Variants in TDRD3 observed in about 807,000 individuals in gnomAD.
TDRD3 encodes the protein tudor domain containing 3, also known as tudor domain-containing protein 3.
TDRD3 carries 45 observed loss-of-function variants against 86.7 expected under a neutral mutation model. That is an observed-to-expected ratio of 0.52 (90% CI 0.41 to 0.67). The LOEUF (loss-of-function observed/expected upper bound fraction) is 0.67. Ranked by LOEUF, TDRD3 falls within the 30% of genes least tolerant of loss-of-function variation. TDRD3 has a pLI of 0.00. For missense variants in TDRD3, 814 were observed against 889.0 expected, an observed-to-expected ratio of 0.92 and a Z score of 1.07; for synonymous variants, 298 against 301.7, an observed-to-expected ratio of 0.99 and a Z score of 0.13.
At chr13:60,403,424 T>G (rs1193918971) in intron 1 of TDRD3, among the ~76,000 whole-genome samples, 1 of 152,248 alleles carries the variant, frequency 6.6e-6, no homozygotes, top group Non-Finnish European at 1.5e-5. Context: ...GCCATCAGTC[T>G]AGAAATTCAT....
rs1210878309 is a variant in TDRD3, at chr13:60,567,572, T to G, written c.2166T>G (p.Gly722=). The part of the protein sequence containing the change: ...YDQTLEFRRG[G]DGQPRRSTRP... The stretch of plus-strand genomic sequence containing the variant: ...AAACTCTGGAGTTCCGTAGGGGAGG[T>G]GATGGCCAGCCAAGACGATCCACTC... Residue 722 remains glycine, a synonymous_variant, in exon 13 of 14, where the codon GGT becomes GGG. Coordinates refer to ENST00000377881, the MANE Select transcript of TDRD3 (RefSeq NM_001146070.2). 2 of 1,613,670 alleles carry G rather than the reference T, an allele frequency of 1.2e-6. No homozygotes were observed. The highest frequency in any genetic ancestry group is 3.3e-5 in the Admixed American group (2 of 59,928).
At chr13:60,501,266 C>T (rs574147868) in intron 8 of TDRD3, among the ~76,000 whole-genome samples, 1 of 152,282 alleles carries the variant, frequency 6.6e-6, no homozygotes, top group South Asian at 2.1e-4. Flanking sequence ...TTAAGAGAGG[C>T]ATTGTGTGGG....
chr13:60,533,514 G>T (rs776290272), intron 11 of TDRD3, among the ~76,000 whole-genome samples: 46 of 152,012 alleles, frequency 3.0e-4, no homozygotes, highest in Non-Finnish European at 7.4e-5. Context: ...AGTAGCACGT[G>T]CCTGTAATCC....
intron 1 of TDRD3, among the ~76,000 whole-genome samples, chr13:60,436,282 A>G (rs1457703227): frequency 3.3e-5 from 5 of 151,356 alleles, no homozygotes; most frequent in African/African-American, 4.9e-5. Flanking sequence ...CTTACTTTTT[A>G]TTTTTGTTGC....
intron 8 of TDRD3, among the ~76,000 whole-genome samples, chr13:60,495,871 A>G (rs1195258350): frequency 2.0e-5 from 3 of 152,150 alleles, no homozygotes; most frequent in Admixed American, 6.5e-5. Flanking sequence ...TGTAGCCTCC[A>G]GCTGCATAAC....
At chr13:60,466,635 A>G (rs1192605838) in intron 4 of TDRD3, among the ~76,000 whole-genome samples, 1 of 152,068 alleles carries the variant, frequency 6.6e-6, no homozygotes, top group Non-Finnish European at 1.5e-5. Flanking sequence ...TGAAAATACA[A>G]AAATTAGCTG....
rs112520917 is a variant in TDRD3, at chr13:60,512,090, G to T, written c.1141+1335G>T. Among the ~76,000 whole-genome samples, 516 of 152,234 alleles carry T rather than the reference G, an allele frequency of 3.4e-3. 4 individuals are homozygous for T. The highest frequency in any genetic ancestry group is 0.012 in the African/African-American group (492 of 41,546). ...CTAGGTAACTTATACAGGAAAAAGA[G>T]TGTATTGGATTTACAGTTCCACGTG... On this transcript the variant is annotated intron_variant, in intron 10 of 13. Coordinates refer to ENST00000377881, the MANE Select transcript of TDRD3 (RefSeq NM_001146070.2).
At chr13:60,570,131 C>T (rs1336506032) in intron 13 of TDRD3, among the ~76,000 whole-genome samples, 1 of 152,090 alleles carries the variant, frequency 6.6e-6, no homozygotes, top group African/African-American at 2.4e-5. Context: ...AGAGACCACC[C>T]ACAGAATGGG....
intron 1 of TDRD3, among the ~76,000 whole-genome samples, chr13:60,427,442 T>C (rs911864062): frequency 6.6e-6 from 1 of 152,144 alleles, no homozygotes; most frequent in Non-Finnish European, 1.5e-5. Context: ...TGCAGTTTCG[T>C]TTCTAATGCA....
In TDRD3 at chr13:60,397,426, G is replaced by C. The variant is rs767143251; in HGVS notation, c.41+21G>C. On this transcript the variant is annotated intron_variant, in intron 1 of 13. Transcript: ENST00000377881. ...GGTTGGTAAGTGGCGAGTCCCGCCG[G>C]CTGCCGGGCCGCGGGTGCGGGCCGG... 2.0e-6 allele frequency: 3 copies of C among 1,481,938 alleles called. No homozygotes were observed. In the East Asian group the frequency reaches 8.3e-5, roughly 41 times the overall value. The allele number at this position is 1,481,938 out of a possible 1,614,324, so 91.8% of individuals were successfully genotyped here. A position where few individuals can be genotyped will look rare whatever the true frequency, so the allele number is the denominator to read the frequency against.
At chr13:60,504,639 G>A (rs1327748833) in intron 8 of TDRD3, among the ~76,000 whole-genome samples, 1 of 152,168 alleles carries the variant, frequency 6.6e-6, no homozygotes, top group Non-Finnish European at 1.5e-5. Flanking sequence ...TGATTCGGTG[G>A]TGGCTGGCAA....
chr13:60,411,322 G>A (rs1189484190), intron 1 of TDRD3, among the ~76,000 whole-genome samples: 1 of 152,160 alleles, frequency 6.6e-6, no homozygotes, highest in Non-Finnish European at 1.5e-5. Flanking sequence ...AATGAGAATG[G>A]ACTTAATACT....
intron 12 of TDRD3, chr13:60,547,142 T>G: frequency 2.5e-6 from 1 of 407,424 alleles, no homozygotes; most frequent in Non-Finnish European, 3.3e-6. Flanking sequence ...AAATGAGAAT[T>G]ACTATACTTT....
At chr13:60,529,284 G>A in intron 11 of TDRD3, 67 bp downstream of exon 11, 1 of 1,479,446 alleles carries the variant, frequency 6.8e-7, no homozygotes, top group Non-Finnish European at 9.0e-7. Context: ...GGACTTTATA[G>A]AAGCTGTCAC....
At chr13:60,486,014 C>G (rs144503302) in intron 7 of TDRD3, 66 bp downstream of exon 7, 1 of 1,438,368 alleles carries the variant, frequency 7.0e-7, no homozygotes, top group Non-Finnish European at 9.2e-7. Flanking sequence ...TATTTGTGAT[C>G]GTTATTGTCT....
At chr13:60,429,987 A>G (rs1347173614) in intron 1 of TDRD3, among the ~76,000 whole-genome samples, 3 of 152,186 alleles carry the variant, frequency 2.0e-5, no homozygotes, top group Non-Finnish European at 4.4e-5. Context: ...TAGGTATTAC[A>G]TGCTGTCTCC....
chr13:60,430,429 GAA>G (rs1280316863), intron 1 of TDRD3, among the ~76,000 whole-genome samples: 2 of 151,966 alleles, frequency 1.3e-5, no homozygotes, highest in African/African-American at 4.8e-5. Flanking sequence ...TTTTTGCTGA[GAA>G]AAAGAGGACA....
chr13:60,397,837 A>G (rs1433537412), intron 1 of TDRD3, among the ~76,000 whole-genome samples: 2 of 152,026 alleles, frequency 1.3e-5, no homozygotes, highest in African/African-American at 4.8e-5. Context: ...GAGAGGGACG[A>G]ACGCGGCCGG....
chr13:60,532,868 T>A (rs1179665064), intron 11 of TDRD3, among the ~76,000 whole-genome samples: 1 of 152,236 alleles, frequency 6.6e-6, no homozygotes, highest in African/African-American at 2.4e-5. Flanking sequence ...ATGTCATTCC[T>A]TCTAGTTAAA....
Sources: allele counts gnomAD v4.1 joint callset (sites outside exome capture counted in the v4.1 genomes callset), GRCh38; gene constraint gnomAD v4.1.1; transcripts MANE v1.5; gene names NCBI Gene and HGNC (gene_info 2026-07-23, HGNC 2026-07-21).